Variants in SFSWAP observed in about 807,000 individuals in gnomAD.
SFSWAP encodes splicing factor SWAP, also known as splicing factor, suppressor of white-apricot homolog.
SFSWAP carries 17 observed loss-of-function variants against 100.7 expected under a neutral mutation model. That is an observed-to-expected ratio of 0.17 (90% CI 0.12 to 0.25). The LOEUF (loss-of-function observed/expected upper bound fraction) is 0.25. Among genes scored for constraint, SFSWAP ranks in the 10% least tolerant of loss-of-function variants. The probability of loss-of-function intolerance (pLI) is 1.00; values close to 1 mark genes in which losing one functional copy is unlikely to be tolerated. For synonymous variants in SFSWAP, 504 were observed against 510.1 expected (o/e 0.99, Z 0.16); for missense variants, 1,005 against 1,262.6 (o/e 0.80, Z 3.09).
Position 131,766,401 on chromosome 12 carries a change from C to T in SFSWAP, c.2142+93C>T, listed in dbSNP as rs1883123188. 6 of 1,168,666 alleles carry T rather than the reference C, an allele frequency of 5.1e-6. No homozygotes were observed. In the Admixed American group the frequency reaches 1.2e-4, roughly 23 times the overall value. The allele number at this position is 1,168,666 out of a possible 1,614,324, so 72.4% of individuals were successfully genotyped here. On this transcript the variant is annotated intron_variant, in intron 13 of 17. Transcript: ENST00000261674. ...CCCTCCAGCTGCCCTAGTCTCTGGC[C>T]TGAGTGAGGGATATGAGCTCCCAGC...
intron 13 of SFSWAP, among the ~76,000 whole-genome samples, chr12:131,776,330 C>T (rs1309807761): frequency 1.3e-5 from 2 of 152,136 alleles, no homozygotes; most frequent in African/African-American, 4.8e-5. Context: ...GCCCGCCGCA[C>T]ACCCACAACC....
chr12:131,765,542 G>C (rs951869744), intron 12 of SFSWAP, among the ~76,000 whole-genome samples: 1 of 152,106 alleles, frequency 6.6e-6, no homozygotes, highest in Non-Finnish European at 1.5e-5. Flanking sequence ...CAGCTACTTG[G>C]GAGGCTGAGG....
chr12:131,784,453 C>A (rs1237551097), intron 14 of SFSWAP: 1 of 151,956 alleles, frequency 6.6e-6, no homozygotes, highest in African/African-American at 2.4e-5. Flanking sequence ...TGACCACTGT[C>A]ATTCAGATAA....
At position 131,754,413 on chromosome 12, in the gene SFSWAP, C is replaced by G. The variant is rs951929166; in HGVS notation, c.1368C>G (p.Val456=). Reference sequence around the variant, plus strand: ...CCATCATCCCCCCGCCCCCCGACGTCCAGCCCGTGATTGACAAGCTGGCCG... The same window carrying G: ...CCATCATCCCCCCGCCCCCCGACGTGCAGCCCGTGATTGACAAGCTGGCCG... ...VAAIIPPPPD[V]QPVIDKLAEY... The change falls in exon 9 of 18, where the codon GTC becomes GTG. Residue 456 remains valine (V), a synonymous_variant. Transcript: ENST00000261674. 3 of 1,598,990 alleles carry G rather than the reference C, an allele frequency of 1.9e-6. No individual in the cohort carries two copies. The highest frequency in any genetic ancestry group is 2.7e-5 in the African/African-American group (2 of 73,972).
In SFSWAP at chr12:131,711,455, C is replaced by T. The variant is rs781178936; in HGVS notation, c.218+8C>T. ...CAAGATCCTCATCGACAGGTCGGTT[C>T]CTCTCCCCACCCGTCGATCCTTCCC... is the stretch of plus-strand genomic sequence containing the variant. On this transcript the variant is annotated splice_region_variant and intron_variant, in intron 1 of 17. Transcript: ENST00000261674. The surrounding 1 kb of genome is among the most constrained non-coding windows in gnomAD (Gnocchi z 4.9). 3.1e-6 allele frequency: 5 copies of T among 1,602,676 alleles called. No homozygotes were observed. The highest frequency in any genetic ancestry group is 2.2e-5 in the East Asian group (1 of 44,834).
chr12:131,759,759 G>A (rs959288891), intron 11 of SFSWAP, among the ~76,000 whole-genome samples: 16 of 150,968 alleles, frequency 1.1e-4, no homozygotes, highest in East Asian at 5.8e-4. Context: ...CCGAGACTGC[G>A]CCACTGTACT....
chr12:131,793,852 C>A (rs4964998), intron 15 of SFSWAP, among the ~76,000 whole-genome samples: 28,387 of 151,960 alleles, frequency 0.19, 5,408 homozygotes, highest in African/African-American at 0.49. Flanking sequence ...CGTGCTGATG[C>A]AACCAACGAG....
chr12:131,740,957 C>CTTTTTTTTTT (rs1354791623), intron 7 of SFSWAP, among the ~76,000 whole-genome samples: 2 of 96,068 alleles, frequency 2.1e-5, no homozygotes, highest in African/African-American at 7.1e-5. Context: ...CTTTTTTTTT[C>CTTTTTTTTTT]TTTTTTTTCT....
At position 131,725,443 on chromosome 12, in the gene SFSWAP, G is replaced by C; in HGVS notation, c.645G>C (p.Thr215=). The C allele has an allele frequency of 1.2e-6, 2 of 1,614,148 alleles. No individual in the cohort carries two copies. Among genetic ancestry groups the C allele is most frequent in the Non-Finnish European group, 8.5e-7 (1 of 1,180,042 alleles). The part of the protein sequence containing the change: ...TAKMHAIIER[T]ASFVCRQGAQ... ...AAATGCACGCCATCATCGAGCGCAC[G>C]GCCAGCTTCGTGTGCAGGCAGGGAG... Residue 215 remains threonine (T), a synonymous_variant, in exon 5 of 18, where the codon ACG becomes ACC. Coordinates refer to ENST00000261674, the MANE Select transcript of SFSWAP (RefSeq NM_004592.4). The surrounding 1 kb of genome is among the most constrained non-coding windows in gnomAD (Gnocchi z 4.3).
At chr12:131,736,675 A>C (rs1266156635) in intron 7 of SFSWAP, among the ~76,000 whole-genome samples, 1 of 151,484 alleles carries the variant, frequency 6.6e-6, no homozygotes, top group East Asian at 1.9e-4. Context: ...GTGTTACAGT[A>C]GAAAGGAGCG....
At chr12:131,793,984 C>T (rs1885457290) in intron 15 of SFSWAP, among the ~76,000 whole-genome samples, 1 of 152,120 alleles carries the variant, frequency 6.6e-6, no homozygotes, top group South Asian at 2.1e-4. Context: ...TTTCTTGTGA[C>T]GTTAAGTACA....
intron 7 of SFSWAP, among the ~76,000 whole-genome samples, chr12:131,752,453 T>C (rs2136222249): frequency 6.6e-6 from 1 of 152,330 alleles, no homozygotes; most frequent in East Asian, 1.9e-4. Flanking sequence ...GATACCTGCT[T>C]GTGTGCACAG....
At chr12:131,728,627 C>G (rs886730826) in intron 7 of SFSWAP, among the ~76,000 whole-genome samples, 199 bp downstream of exon 7, 4 of 152,082 alleles carry the variant, frequency 2.6e-5, no homozygotes, top group Non-Finnish European at 5.9e-5. Context: ...GATGGCTGCC[C>G]TACTCCAGCA....
In SFSWAP at chr12:131,734,254, C is replaced by T. The variant is rs997004153; in HGVS notation, c.1081+5826C>T. On this transcript the variant is annotated intron_variant, in intron 7 of 17. Transcript: ENST00000261674. This position sits in a 1 kb window ranked among gnomAD's most constrained non-coding sequence, Gnocchi z 4.9. ...TGGCTCGTACATAGGACAGGGCCCA[C>T]ACACTGGATTCACGTTTTTCCTCAC... is the stretch of plus-strand genomic sequence containing the variant. Among the ~76,000 whole-genome samples, 38 of 152,252 alleles carry T rather than the reference C, an allele frequency of 2.5e-4. No individual in the cohort carries two copies. The highest frequency in any genetic ancestry group is 8.4e-4 in the African/African-American group (35 of 41,464).
At chr12:131,777,950 A>G in intron 13 of SFSWAP, 115 bp from the exon 14 acceptor site, 1 of 1,486,470 alleles carries the variant, frequency 6.7e-7, no homozygotes, top group Non-Finnish European at 8.9e-7. Context: ...GAGACTTTCT[A>G]AGAGATGGTT....
At chr12:131,731,716 A>G (rs756218582) in intron 7 of SFSWAP, among the ~76,000 whole-genome samples, 2 of 152,128 alleles carry the variant, frequency 1.3e-5, no homozygotes, top group Admixed American at 1.3e-4. Context: ...CGTTCATTAT[A>G]TGTAGTTTCC....
At chr12:131,758,823 T>A (rs1882409988) in intron 11 of SFSWAP, among the ~76,000 whole-genome samples, 1 of 152,230 alleles carries the variant, frequency 6.6e-6, no homozygotes. Flanking sequence ...GGCACATGCC[T>A]GTAGCACCAG....
intron 14 of SFSWAP, among the ~76,000 whole-genome samples, chr12:131,779,066 C>T (rs1248819379): frequency 6.7e-6 from 1 of 150,362 alleles, no homozygotes; most frequent in Non-Finnish European, 1.5e-5. Context: ...ATTCTCTGCT[C>T]TGCACACGCA....
At chr12:131,737,437 A>G (rs1302192830) in intron 7 of SFSWAP, among the ~76,000 whole-genome samples, 1 of 152,248 alleles carries the variant, frequency 6.6e-6, no homozygotes, top group African/African-American at 2.4e-5. Flanking sequence ...CTCTCAAAAC[A>G]TGCAGATTGA....
Sources: allele counts gnomAD v4.1 joint callset (sites outside exome capture counted in the v4.1 genomes callset), GRCh38; gene constraint gnomAD v4.1.1; non-coding constraint Gnocchi (gnomAD v3.1); transcripts MANE v1.5; gene names NCBI Gene and HGNC (gene_info 2026-07-23, HGNC 2026-07-21).